The following PTPRM variants were observed in gnomAD, a reference collection of about 807,000 sequenced individuals.
PTPRM encodes the protein receptor-type tyrosine-protein phosphatase mu.
A neutral mutation model predicts 186.7 loss-of-function variants in PTPRM; 47 were observed. The observed-to-expected ratio is 0.25, with a 90% CI of 0.20 to 0.32. The LOEUF (loss-of-function observed/expected upper bound fraction) is 0.32, where lower values mean the gene tolerates loss of function less well. Ranked by LOEUF, PTPRM falls within the 10% of genes least tolerant of loss-of-function variation. The pLI is 1.00. For synonymous variants in PTPRM, 668 were observed against 674.9 expected (o/e 0.99, Z 0.16); for missense variants, 1,494 against 1,865.0 (o/e 0.80, Z 3.66).
At chr18:8,400,279 C>T (rs953836663) in intron 32 of PTPRM, among the ~76,000 whole-genome samples, 3 of 152,206 alleles carry the variant, frequency 2.0e-5, no homozygotes, top group Non-Finnish European at 2.9e-5. Flanking sequence ...GAGACTGATT[C>T]GATTGGTCAG....
At chr18:7,824,517 G>C (rs1441837873) in intron 2 of PTPRM, among the ~76,000 whole-genome samples, 1 of 152,164 alleles carries the variant, frequency 6.6e-6, no homozygotes, top group South Asian at 2.1e-4. Flanking sequence ...TACTTTTATT[G>C]CTCGTTTTTT....
At chr18:8,253,542 G>A (rs1354243148) in intron 19 of PTPRM, 128 bp downstream of exon 19, 7 of 880,506 alleles carry the variant, frequency 7.9e-6, no homozygotes, top group Admixed American at 4.2e-5. Context: ...AAGAGATGAA[G>A]TACAGTTGTC....
chr18:7,950,104 T>A lies in PTPRM; in HGVS notation c.838+749T>A, dbSNP rs1424736272. 2.6e-5 allele frequency among the ~76,000 whole-genome samples: 4 copies of A among 152,118 alleles called. No homozygotes were observed. In the East Asian group the frequency reaches 7.7e-4, roughly 29 times the overall value. ...AGAATGAGGACTGCTTTAAGAAAAG[T>A]TTTCCCTGCATTTGTTAAATATGGC... On this transcript the variant is annotated intron_variant, in intron 6 of 32. Coordinates refer to ENST00000580170, the MANE Select transcript of PTPRM (RefSeq NM_001105244.2).
In PTPRM at chr18:7,668,297, GT is replaced by G; in HGVS notation, c.73+100410del. ...ACCATTTTGGGTCCTGGTAATGGTG[GT>G]TTTCCCCACTTCTGTCACTTACCAC... is the stretch of plus-strand genomic sequence containing the variant. On this transcript the variant is annotated intron_variant, in intron 1 of 32. Coordinates refer to ENST00000580170, the MANE Select transcript of PTPRM (RefSeq NM_001105244.2). This position sits in a 1 kb window ranked among gnomAD's most constrained non-coding sequence, Gnocchi z 4.7. Among the ~76,000 whole-genome samples, 2 of 152,178 alleles carry G rather than the reference GT, an allele frequency of 1.3e-5. 1 individual carries two copies. Among genetic ancestry groups the G allele is most frequent in the Admixed American group, 1.3e-4 (2 of 15,276 alleles).
intron 13 of PTPRM, among the ~76,000 whole-genome samples, chr18:8,115,040 A>T (rs2091901912): frequency 6.6e-6 from 1 of 151,692 alleles, no homozygotes; most frequent in African/African-American, 2.4e-5. Context: ...TTTTTAAAAT[A>T]AGAAGCTATA....
intron 1 of PTPRM, among the ~76,000 whole-genome samples, chr18:7,659,120 A>C (rs1465634468): frequency 1.1e-5 from 1 of 95,192 alleles, no homozygotes; most frequent in African/African-American, 5.9e-5. Flanking sequence ...ATGTATGTAC[A>C]CACACACACA....
chr18:7,911,489 G>C (rs1040995209), intron 4 of PTPRM, among the ~76,000 whole-genome samples: 1 of 152,172 alleles, frequency 6.6e-6, no homozygotes, highest in Non-Finnish European at 1.5e-5. Context: ...TAATGATGTT[G>C]AGCATCTTTC....
chr18:7,825,358 G>T (rs2045429114), intron 2 of PTPRM, among the ~76,000 whole-genome samples: 1 of 152,064 alleles, frequency 6.6e-6, no homozygotes, highest in Non-Finnish European at 1.5e-5. Flanking sequence ...TTTAATAAAT[G>T]GAATGGATAG....
intron 19 of PTPRM, among the ~76,000 whole-genome samples, chr18:8,267,110 T>C (rs953737382): frequency 2.0e-5 from 3 of 152,212 alleles, no homozygotes; most frequent in Non-Finnish European, 4.4e-5. Context: ...TATGTTTTTA[T>C]ATGTATTGTA....
chr18:8,186,649 G>C (rs2093645902), intron 14 of PTPRM, among the ~76,000 whole-genome samples: 1 of 152,124 alleles, frequency 6.6e-6, no homozygotes, highest in African/African-American at 2.4e-5. Flanking sequence ...ATAGCACTAA[G>C]ATTTGAACCA....
intron 17 of PTPRM, among the ~76,000 whole-genome samples, chr18:8,249,735 CT>C (rs1180057732): frequency 6.6e-6 from 1 of 152,124 alleles, no homozygotes; most frequent in East Asian, 1.9e-4. Flanking sequence ...AAAGTCGCTG[CT>C]TTGTTATTAT....
intron 3 of PTPRM, among the ~76,000 whole-genome samples, chr18:7,904,214 GC>G (rs1297192784): frequency 9.2e-5 from 14 of 152,118 alleles, no homozygotes; most frequent in African/African-American, 3.4e-4. Context: ...TACATGTTAT[GC>G]CATTTCCCAG....
At chr18:8,102,443 T>C (rs559374285) in intron 11 of PTPRM, among the ~76,000 whole-genome samples, 232 of 152,350 alleles carry the variant, frequency 1.5e-3, no homozygotes, top group African/African-American at 5.2e-3. Flanking sequence ...TAATATAATA[T>C]TCTAAATCAT....
At chr18:7,884,974 C>T (rs2048711755) in intron 2 of PTPRM, among the ~76,000 whole-genome samples, 1 of 132,060 alleles carries the variant, frequency 7.6e-6, no homozygotes, top group Non-Finnish European at 1.6e-5. Flanking sequence ...AATAGCAGAT[C>T]TTGTGAGAAG....
intron 1 of PTPRM, among the ~76,000 whole-genome samples, chr18:7,745,088 A>G (rs1368209626): frequency 6.6e-6 from 1 of 151,976 alleles, no homozygotes; most frequent in Non-Finnish European, 1.5e-5. Context: ...AGTTACCCAA[A>G]TTCTCTAAAC....
intron 14 of PTPRM, among the ~76,000 whole-genome samples, chr18:8,184,661 C>G (rs535560769): frequency 6.6e-6 from 1 of 152,292 alleles, no homozygotes; most frequent in South Asian, 2.1e-4. Context: ...TAACACTGGC[C>G]TAAAGCTGAA....
intron 19 of PTPRM, among the ~76,000 whole-genome samples, chr18:8,288,714 C>T (rs984239721): frequency 6.6e-6 from 1 of 152,164 alleles, no homozygotes; most frequent in East Asian, 1.9e-4. Flanking sequence ...TGGTTCTCAA[C>T]TTATTTCTGC....
chr18:7,771,425 G>A (rs555480621), intron 1 of PTPRM, among the ~76,000 whole-genome samples: 6 of 152,136 alleles, frequency 3.9e-5, no homozygotes, highest in Non-Finnish European at 7.4e-5. Flanking sequence ...CTAACATTTC[G>A]TACCCCAAAC....
intron 2 of PTPRM, among the ~76,000 whole-genome samples, chr18:7,783,417 C>T (rs1298454883): frequency 6.6e-6 from 1 of 152,112 alleles, no homozygotes; most frequent in East Asian, 1.9e-4. Context: ...CATGGACATT[C>T]CCTTAGTCCC....
Sources: allele counts gnomAD v4.1 joint callset (sites outside exome capture counted in the v4.1 genomes callset), GRCh38; gene constraint gnomAD v4.1.1; non-coding constraint Gnocchi (gnomAD v3.1); transcripts MANE v1.5; gene names NCBI Gene and HGNC (gene_info 2026-07-23, HGNC 2026-07-21).